Variants in PCDHGA9 observed in about 807,000 individuals in gnomAD.
PCDHGA9 encodes protocadherin gamma-A9.
A neutral mutation model predicts 62.5 loss-of-function variants in PCDHGA9; 37 were observed. That is an observed-to-expected ratio of 0.59 (90% CI 0.46 to 0.78). The LOEUF is 0.78. PCDHGA9 is among the 30% of genes least tolerant of loss of function. The pLI is 0.00. For synonymous variants in PCDHGA9, 459 were observed against 484.6 expected (o/e 0.95, Z 0.69); for missense variants, 1,138 against 1,166.2 (o/e 0.98, Z 0.35).
chr5:141,418,363 C>G (rs147423305), intron 1 of PCDHGA9: 1 of 1,613,866 alleles, frequency 6.2e-7, no homozygotes, highest in Non-Finnish European at 8.5e-7. Context: ...ATTCGCTGAG[C>G]AAATACCAAC....
At position 141,486,061 on chromosome 5, in the gene PCDHGA9, C is replaced by T. The variant is rs1280895997; in HGVS notation, c.2425-8746C>T. 2 of 1,614,166 alleles carry T rather than the reference C, an allele frequency of 1.2e-6. No individual in the cohort carries two copies. Among genetic ancestry groups the T allele is most frequent in the South Asian group, 1.1e-5 (1 of 91,078 alleles). On this transcript the variant is annotated intron_variant, in intron 1 of 3. Coordinates refer to ENST00000573521, the MANE Select transcript of PCDHGA9 (RefSeq NM_018921.3). The surrounding 1 kb of genome is among the most constrained non-coding windows in gnomAD (Gnocchi z 5.0). ...GTGTAAGAAACCTCTTTAGCCTGCA[C>T]CCCACTACTGGAAAGCTTACTCTTT...
intron 1 of PCDHGA9, among the ~76,000 whole-genome samples, chr5:141,461,233 G>T (rs2099011336): frequency 6.6e-6 from 1 of 152,028 alleles, no homozygotes; most frequent in East Asian, 1.9e-4. Context: ...CATAGAGGTT[G>T]TACTAATTTA....
intron 1 of PCDHGA9, among the ~76,000 whole-genome samples, chr5:141,429,654 T>C (rs1373502548): frequency 6.6e-6 from 1 of 152,232 alleles, no homozygotes; most frequent in Non-Finnish European, 1.5e-5. Context: ...TTCTTCCCAA[T>C]TTAAAATATA....
intron 1 of PCDHGA9, among the ~76,000 whole-genome samples, chr5:141,482,498 T>G (rs1226516612): frequency 1.5e-5 from 2 of 135,390 alleles, no homozygotes; most frequent in African/African-American, 3.0e-5. Context: ...GTTATCATTC[T>G]GGTACCCAGA....
chr5:141,460,669 TTATATATC>T (rs1176483278), intron 1 of PCDHGA9, among the ~76,000 whole-genome samples: 1 of 152,032 alleles, frequency 6.6e-6, no homozygotes, highest in African/African-American at 2.4e-5. Flanking sequence ...GTAAACACAG[TTATATATC>T]TATATATCCA....
Position 141,447,812 on chromosome 5 carries a change from G to A in PCDHGA9, c.2424+42436G>A, listed in dbSNP as rs557330895. 5.4e-4 allele frequency among the ~76,000 whole-genome samples: 82 copies of A among 152,254 alleles called. 1 individual carries two copies. The highest frequency in any genetic ancestry group is 1.3e-3 in the Admixed American group (20 of 15,294). On this transcript the variant is annotated intron_variant, in intron 1 of 3. Coordinates refer to ENST00000573521, the MANE Select transcript of PCDHGA9 (RefSeq NM_018921.3). ...TTTAAGAAAATAAAATTGGCTGGGC[G>A]TGGTGGCTCACGCCTGTAATCCCAG...
intron 1 of PCDHGA9, chr5:141,415,323 G>C: frequency 1.9e-6 from 3 of 1,614,236 alleles, no homozygotes; most frequent in South Asian, 2.2e-5. Flanking sequence ...TCGTGCTGCT[G>C]GCGCACAGGC....
rs762662380 is a variant in PCDHGA9, at chr5:141,419,561, G to A, written c.2424+14185G>A. 9 of 1,611,728 alleles carry A rather than the reference G, an allele frequency of 5.6e-6. No individual in the cohort carries two copies. The Admixed American group carries it at 1.2e-4, about 21-fold the overall frequency. The stretch of plus-strand genomic sequence containing the variant: ...ACCGCGGGTGCTGTACCCTGCGCTG[G>A]GTCCCGACGGCTCCGCGCTCTTCGA... On this transcript the variant is annotated intron_variant, in intron 1 of 3. Coordinates refer to ENST00000573521, the MANE Select transcript of PCDHGA9 (RefSeq NM_018921.3).
intron 1 of PCDHGA9, among the ~76,000 whole-genome samples, chr5:141,492,084 G>C (rs979755390): frequency 2.0e-5 from 3 of 152,236 alleles, no homozygotes; most frequent in African/African-American, 7.2e-5. Flanking sequence ...GCTCCGGCAC[G>C]CTTCGCCGGT....
chr5:141,426,492 T>C (rs1439487321), intron 1 of PCDHGA9: 2 of 336,712 alleles, frequency 5.9e-6, no homozygotes, highest in African/African-American at 4.3e-5. Context: ...TTAGAGTTAG[T>C]GCAGAGAAAC....
At chr5:141,478,408 G>C in intron 1 of PCDHGA9, 1 of 1,613,340 alleles carries the variant, frequency 6.2e-7, no homozygotes, top group Non-Finnish European at 8.5e-7. Flanking sequence ...ATCTCACCAC[G>C]GACTCCCGCC....
At chr5:141,414,280 G>A (rs1448512468) in intron 1 of PCDHGA9, 2 of 1,613,604 alleles carry the variant, frequency 1.2e-6, no homozygotes, top group Admixed American at 1.7e-5. Context: ...TCTGGGAACA[G>A]TCGTAGCCCT....
At chr5:141,456,984 C>T (rs374156327) in intron 1 of PCDHGA9, among the ~76,000 whole-genome samples, 1 of 152,082 alleles carries the variant, frequency 6.6e-6, no homozygotes, top group Admixed American at 6.6e-5. Flanking sequence ...AACAAACAAA[C>T]AAACAAAAAC....
intron 1 of PCDHGA9, among the ~76,000 whole-genome samples, chr5:141,462,493 A>G (rs1432919197): frequency 2.0e-5 from 3 of 152,144 alleles, no homozygotes; most frequent in South Asian, 4.1e-4. Context: ...GTTGTATCCT[A>G]TAATTGTCAA....
rs1018097924 is a variant in PCDHGA9 at position 141,413,435 on chromosome 5, G to C, written c.2424+8059G>C. Reference sequence around the variant, plus strand: ...TTCTCTCTGAACCCGCGCAGCGGCAGCTTGATCACCGCGGGCAGGATAGAC... The same window carrying C: ...TTCTCTCTGAACCCGCGCAGCGGCACCTTGATCACCGCGGGCAGGATAGAC... On this transcript the variant is annotated intron_variant, in intron 1 of 3. Transcript: ENST00000573521. The C allele has an allele frequency of 6.2e-6, 10 of 1,614,004 alleles. No homozygotes were observed. The Admixed American group carries it at 1.7e-4, about 27-fold the overall frequency.
intron 3 of PCDHGA9, among the ~76,000 whole-genome samples, chr5:141,510,048 G>GTGAT (rs1392197406): frequency 1.3e-5 from 2 of 152,192 alleles, no homozygotes; most frequent in Non-Finnish European, 2.9e-5. Context: ...GAGGTTAAAA[G>GTGAT]TGATTGTGCA....
rs780664832 is a variant in PCDHGA9 at position 141,422,982 on chromosome 5, T to C, written c.2424+17606T>C. On this transcript the variant is annotated intron_variant, in intron 1 of 3. Coordinates refer to ENST00000573521, the MANE Select transcript of PCDHGA9 (RefSeq NM_018921.3). ...AGCTGGCGCCCCGCTCTGCGGAACC[T>C]GGCTACCTGGTGACCAAGGTGGTTG... 2.5e-6 allele frequency: 4 copies of C among 1,614,206 alleles called. No individual in the cohort carries two copies. The South Asian group carries it at 4.4e-5, about 18-fold the overall frequency.
Position 141,459,075 on chromosome 5 carries a change from G to C in PCDHGA9, c.2425-35732G>C, listed in dbSNP as rs562572838. ...GTATAATTTATATAACATAAAATTT[G>C]CCTTTTAAAATTATACAGTGCAATG... On this transcript the variant is annotated intron_variant, in intron 1 of 3. Transcript: ENST00000573521. 4.6e-5 allele frequency among the ~76,000 whole-genome samples: 7 copies of C among 152,252 alleles called. No individual in the cohort carries two copies. The East Asian group carries it at 1.4e-3, about 29-fold the overall frequency.
chr5:141,474,847 GCCTTCT>G (rs906863967), intron 1 of PCDHGA9, among the ~76,000 whole-genome samples: 3 of 152,198 alleles, frequency 2.0e-5, no homozygotes, highest in African/African-American at 7.2e-5. Context: ...CACTTTACCT[GCCTTCT>G]TCATTTAATA....
Sources: allele counts gnomAD v4.1 joint callset (sites outside exome capture counted in the v4.1 genomes callset), GRCh38; gene constraint gnomAD v4.1.1; non-coding constraint Gnocchi (gnomAD v3.1); transcripts MANE v1.5; gene names NCBI Gene and HGNC (gene_info 2026-07-23, HGNC 2026-07-21).